PTPRE: variants seen among roughly 807,000 people sequenced by gnomAD.
PTPRE encodes the protein receptor-type tyrosine-protein phosphatase epsilon.
A neutral mutation model predicts 102.0 loss-of-function variants in PTPRE; 51 were observed. That is an observed-to-expected ratio of 0.50 (90% CI 0.40 to 0.63). The LOEUF (loss-of-function observed/expected upper bound fraction) is 0.63. Ranked by LOEUF, PTPRE falls within the 30% of genes least tolerant of loss-of-function variation. The pLI is 0.00. For missense variants in PTPRE, 752 were observed against 915.1 expected, an observed-to-expected ratio of 0.82 and a Z score of 2.30; for synonymous variants, 345 against 348.2, an observed-to-expected ratio of 0.99 and a Z score of 0.10.
At chr10:128,003,030 C>T (rs1234485727) in intron 2 of PTPRE, among the ~76,000 whole-genome samples, 2 of 152,092 alleles carry the variant, frequency 1.3e-5, no homozygotes, top group Admixed American at 1.3e-4. Flanking sequence ...GGGTTTTGTG[C>T]CTCTGCAGAT....
At chr10:127,913,010 A>G (rs1417720421) in intron 1 of PTPRE, among the ~76,000 whole-genome samples, 1 of 152,204 alleles carries the variant, frequency 6.6e-6, no homozygotes, top group African/African-American at 2.4e-5. Flanking sequence ...AGGACTTAGG[A>G]GCAGAATGAC....
chr10:127,972,534 G>C (rs2135429689), intron 1 of PTPRE, among the ~76,000 whole-genome samples: 1 of 152,324 alleles, frequency 6.6e-6, no homozygotes, highest in Admixed American at 6.5e-5. Context: ...CAACCCCACG[G>C]TGCGAAGAGC....
At chr10:127,937,117 A>G (rs1297266376) in intron 1 of PTPRE, among the ~76,000 whole-genome samples, 1 of 152,346 alleles carries the variant, frequency 6.6e-6, no homozygotes, top group African/African-American at 2.4e-5. Flanking sequence ...AATAAATCCA[A>G]GGTGAAGGTG....
At chr10:127,976,155 A>T (rs1028051799) in intron 1 of PTPRE, among the ~76,000 whole-genome samples, 2 of 152,240 alleles carry the variant, frequency 1.3e-5, no homozygotes, top group African/African-American at 4.8e-5. Context: ...TTTAAAAAAC[A>T]TGACAGTGAC....
Position 128,049,629 on chromosome 10 carries a change from C to A in PTPRE, c.383C>A (p.Ser128Tyr), listed in dbSNP as rs770916309. The A allele has an allele frequency of 1.9e-6, 3 of 1,613,962 alleles. No individual in the cohort carries two copies. The highest frequency in any genetic ancestry group is 2.5e-6 in the Non-Finnish European group (3 of 1,180,036). The stretch of plus-strand genomic sequence containing the variant: ...CTGGAGGAGGAGATCCGTATCAGAT[C>A]CGCCGACGACTGCAAGCAGTTTCGG... ...EHLEEEIRIR[S>Y]ADDCKQFREE... The change falls in exon 6 of 21, where the codon TCC becomes TAC. Residue 128 changes from serine to tyrosine, a missense_variant. This residue lies in a region of PTPRE where 636 missense variants were observed against 824.4 expected (regional missense o/e 0.77). Transcript: ENST00000254667.
chr10:127,997,931 C>T (rs1459502244), intron 2 of PTPRE, among the ~76,000 whole-genome samples: 1 of 152,192 alleles, frequency 6.6e-6, no homozygotes, highest in Admixed American at 6.6e-5. Context: ...CATCTGTCCC[C>T]ATTCGTCATC....
intron 1 of PTPRE, among the ~76,000 whole-genome samples, chr10:127,975,710 C>T (rs7070505): frequency 0.066 from 10,072 of 152,214 alleles, 525 homozygotes; most frequent in African/African-American, 0.14. Flanking sequence ...TCAAGAAAAA[C>T]ATCTTTAGCG....
intron 2 of PTPRE, among the ~76,000 whole-genome samples, chr10:128,013,123 C>T (rs1289542545): frequency 6.6e-6 from 1 of 152,068 alleles, no homozygotes; most frequent in Admixed American, 6.6e-5. Flanking sequence ...TGCTGTGCTG[C>T]ATTATAATTT....
intron 2 of PTPRE, among the ~76,000 whole-genome samples, chr10:128,019,172 G>A (rs2135674853): frequency 6.6e-6 from 1 of 152,346 alleles, no homozygotes; most frequent in East Asian, 1.9e-4. Flanking sequence ...TCAGGACTTG[G>A]GAAGCTGAGA....
intron 2 of PTPRE, among the ~76,000 whole-genome samples, chr10:128,012,748 G>A (rs192091784): frequency 5.6e-4 from 86 of 152,216 alleles, no homozygotes; most frequent in Non-Finnish European, 1.1e-3. Flanking sequence ...TTTTCAAAAG[G>A]TTGGCACCAG....
At chr10:127,922,393 G>A (rs551932711) in intron 1 of PTPRE, among the ~76,000 whole-genome samples, 136 of 152,340 alleles carry the variant, frequency 8.9e-4, no homozygotes, top group African/African-American at 2.8e-3. Context: ...CTGTCTGTGC[G>A]GAGCTCAGCC....
At chr10:128,046,360 C>A (rs1848090341) in intron 3 of PTPRE, among the ~76,000 whole-genome samples, 1 of 152,224 alleles carries the variant, frequency 6.6e-6, no homozygotes, top group South Asian at 2.1e-4. Context: ...GGACCCTGCG[C>A]TGGGCTCAGG....
chr10:127,945,507 G>T (rs957666306), intron 1 of PTPRE, among the ~76,000 whole-genome samples: 2 of 152,238 alleles, frequency 1.3e-5, no homozygotes, highest in South Asian at 4.1e-4. Context: ...TGAATGCCAT[G>T]CTTCAAAGGA....
intron 1 of PTPRE, among the ~76,000 whole-genome samples, chr10:127,939,270 T>C (rs957621935): frequency 2.6e-5 from 4 of 152,232 alleles, no homozygotes; most frequent in African/African-American, 9.6e-5. Flanking sequence ...GTTAAAGAAT[T>C]CATCTTGGAA....
At chr10:127,922,042 A>G (rs1362865475) in intron 1 of PTPRE, among the ~76,000 whole-genome samples, 4 of 152,240 alleles carry the variant, frequency 2.6e-5, no homozygotes, top group African/African-American at 9.6e-5. Flanking sequence ...ACAAGTTGTT[A>G]GTGAATTCAT....
chr10:128,065,134 G>A (rs950717790), intron 10 of PTPRE, among the ~76,000 whole-genome samples: 1 of 119,794 alleles, frequency 8.3e-6, no homozygotes, highest in African/African-American at 2.6e-5. Context: ...CCGGAGCCAG[G>A]TGTAAGGAGG....
Position 128,043,442 on chromosome 10 carries a change from G to A in PTPRE, c.109+2452G>A, listed in dbSNP as rs538593005. 2.0e-5 allele frequency among the ~76,000 whole-genome samples: 3 copies of A among 152,280 alleles called. No individual in the cohort carries two copies. In the East Asian group the frequency reaches 5.8e-4, roughly 30 times the overall value. Reference sequence around the variant, plus strand: ...TGCCGCTGCTGATCTGACGGGGGGCGGCGCTCAGGCGATAATGCCTGCTCA... The same window carrying A: ...TGCCGCTGCTGATCTGACGGGGGGCAGCGCTCAGGCGATAATGCCTGCTCA... On this transcript the variant is annotated intron_variant, in intron 3 of 20. Transcript: ENST00000254667.
intron 2 of PTPRE, among the ~76,000 whole-genome samples, chr10:127,995,992 A>G (rs1853225132): frequency 6.6e-6 from 1 of 152,232 alleles, no homozygotes; most frequent in South Asian, 2.1e-4. Flanking sequence ...GCTGTCTTAG[A>G]TGCCAGCCTT....
At chr10:128,004,884 G>A (rs932891231) in intron 2 of PTPRE, among the ~76,000 whole-genome samples, 7 of 152,288 alleles carry the variant, frequency 4.6e-5, no homozygotes, top group African/African-American at 7.2e-5. Context: ...TTCTACATCC[G>A]TGCCAACACT....
Sources: gnomAD v4.1 joint callset for allele counts (sites outside exome capture counted in the v4.1 genomes callset) on GRCh38, gnomAD v4.1.1 for gene constraint, gnomAD v4.1.1 regional missense constraint, MANE v1.5 for transcripts, NCBI Gene and HGNC (gene_info 2026-07-23, HGNC 2026-07-21) for gene names.